KCNMA1: variants seen among roughly 807,000 people sequenced by gnomAD.
The protein encoded by KCNMA1 is potassium calcium-activated channel subfamily M alpha 1, also known as Calcium-activated potassium channel subunit alpha-1.
In KCNMA1, 29 loss-of-function variants were observed where a neutral mutation model predicts 140.0. The observed-to-expected ratio is 0.21, with a 90% CI of 0.15 to 0.28. KCNMA1 has a LOEUF of 0.28. KCNMA1 is among the 10% of genes least tolerant of loss of function. KCNMA1 has a pLI of 1.00. For synonymous variants in KCNMA1, 612 were observed against 611.9 expected (o/e 1.00, Z 0.00); for missense variants, 880 against 1,602.2 (o/e 0.55, Z 7.70).
At chr10:77,147,710 T>C (rs1412389588) in intron 5 of KCNMA1, 2 of 152,194 alleles carry the variant, frequency 1.3e-5, no homozygotes, top group Non-Finnish European at 2.9e-5. Flanking sequence ...CCACTTCCCA[T>C]GGTGAGCCCC....
At chr10:77,616,019 G>A (rs146437036) in intron 1 of KCNMA1, among the ~76,000 whole-genome samples, 1 of 152,332 alleles carries the variant, frequency 6.6e-6, no homozygotes, top group African/African-American at 2.4e-5. Context: ...AAGAAAGTGA[G>A]CTTTGCAAGG....
intron 1 of KCNMA1, among the ~76,000 whole-genome samples, chr10:77,513,031 T>C (rs2048975262): frequency 6.6e-6 from 1 of 152,084 alleles, no homozygotes; most frequent in African/African-American, 2.4e-5. Flanking sequence ...TCCTCCAATA[T>C]GTCACCTAAT....
At chr10:77,124,426 A>C (rs1037724293) in intron 5 of KCNMA1, among the ~76,000 whole-genome samples, 6 of 152,202 alleles carry the variant, frequency 3.9e-5, no homozygotes, top group Admixed American at 3.9e-4. Context: ...GCTAGACACA[A>C]ACTGCAGATC....
chr10:77,451,504 G>C (rs603788), intron 1 of KCNMA1, among the ~76,000 whole-genome samples: 70,141 of 152,012 alleles, frequency 0.46, 16,685 homozygotes, highest in Admixed American at 0.52. Flanking sequence ...TAGAAAGTGA[G>C]CAGAGCCCGA....
chr10:76,997,903 C>T (rs569508293), intron 19 of KCNMA1, among the ~76,000 whole-genome samples: 28 of 152,294 alleles, frequency 1.8e-4, no homozygotes, highest in African/African-American at 5.3e-4. Context: ...TCTAGCCTAC[C>T]ATATTGAACA....
At chr10:77,009,240 C>T (rs1286068992) in intron 18 of KCNMA1, among the ~76,000 whole-genome samples, 1 of 152,074 alleles carries the variant, frequency 6.6e-6, no homozygotes, top group East Asian at 1.9e-4. Flanking sequence ...AGATTATATA[C>T]CTCACTAGCT....
intron 21 of KCNMA1, among the ~76,000 whole-genome samples, chr10:76,953,276 A>C (rs962441503): frequency 7.9e-5 from 12 of 152,234 alleles, no homozygotes; most frequent in African/African-American, 2.7e-4. Flanking sequence ...ACATTGCTAT[A>C]AACCAATAAC....
chr10:76,899,577 A>C (rs2044157706), intron 25 of KCNMA1, among the ~76,000 whole-genome samples: 1 of 152,132 alleles, frequency 6.6e-6, no homozygotes, highest in Non-Finnish European at 1.5e-5. Context: ...TGGTGCTAAC[A>C]AACTCAGAGT....
At chr10:77,443,708 C>G (rs1362085126) in intron 1 of KCNMA1, among the ~76,000 whole-genome samples, 2 of 152,142 alleles carry the variant, frequency 1.3e-5, no homozygotes, top group Non-Finnish European at 2.9e-5. Flanking sequence ...CATCTGAGCT[C>G]CACCTCTAAA....
chr10:77,215,303 G>T (rs530231306), intron 3 of KCNMA1, among the ~76,000 whole-genome samples: 2 of 150,526 alleles, frequency 1.3e-5, no homozygotes, highest in Non-Finnish European at 3.0e-5. Flanking sequence ...ACTAGATCAG[G>T]CCAGTGCCCT....
intron 1 of KCNMA1, among the ~76,000 whole-genome samples, chr10:77,503,330 GAGTT>G (rs1473409051): frequency 1.3e-5 from 2 of 152,036 alleles, no homozygotes; most frequent in East Asian, 3.9e-4. Context: ...AAAGCTCTGA[GAGTT>G]AGTTGAATCC....
intron 23 of KCNMA1, among the ~76,000 whole-genome samples, chr10:76,935,535 G>A (rs1344207981): frequency 1.3e-5 from 2 of 152,150 alleles, no homozygotes; most frequent in African/African-American, 4.8e-5. Flanking sequence ...TAAAATGAAG[G>A]TGGTAACTCT....
chr10:77,031,871 T>C (rs2093960528), intron 15 of KCNMA1, among the ~76,000 whole-genome samples: 1 of 152,162 alleles, frequency 6.6e-6, no homozygotes, highest in South Asian at 2.1e-4. Flanking sequence ...TCTGGATAAA[T>C]AAATGCATGT....
chr10:77,538,065 ACACT>A (rs796858742), intron 1 of KCNMA1, among the ~76,000 whole-genome samples: 12 of 151,604 alleles, frequency 7.9e-5, no homozygotes, highest in East Asian at 5.8e-4. Flanking sequence ...CTCTACACAC[ACACT>A]CACACACATC....
At chr10:77,616,546 C>T (rs991146735) in intron 1 of KCNMA1, among the ~76,000 whole-genome samples, 1 of 152,194 alleles carries the variant, frequency 6.6e-6, no homozygotes, top group Non-Finnish European at 1.5e-5. Flanking sequence ...TGGCACATGC[C>T]TGTAATCCCA....
intron 13 of KCNMA1, among the ~76,000 whole-genome samples, chr10:77,075,503 G>A (rs1443500688): frequency 6.6e-6 from 1 of 152,210 alleles, no homozygotes; most frequent in African/African-American, 2.4e-5. Context: ...AAACCTTTCA[G>A]AGAAAGTCTC....
chr10:77,250,773 G>A (rs2059519838), intron 3 of KCNMA1: 1 of 226,952 alleles, frequency 4.4e-6, no homozygotes. Context: ...TAAGATCAAA[G>A]CATTGGAAAC....
At chr10:77,413,756 G>C (rs138397309) in intron 1 of KCNMA1, among the ~76,000 whole-genome samples, 192 of 152,308 alleles carry the variant, frequency 1.3e-3, no homozygotes, top group African/African-American at 4.1e-3. Context: ...TGCACCAGCA[G>C]GGCTTAAGAC....
rs375403667 is a variant in KCNMA1, at chr10:77,637,530, G to T, written c.113C>A (p.Ala38Glu). ...NIHANHLSLD[A>E]SSSSSSSSSS... is the part of the protein sequence containing the mutation. ...AGAGGAGGAGGAGGAGGAGGAGGAC[G>T]CGTCTAGGCTGAGATGGTTCGCGTG... Residue 38 changes from alanine (A) to glutamate (E), a missense_variant, in exon 1 of 28, where the codon GCG becomes GAG. Coordinates refer to ENST00000286628, the MANE Select transcript of KCNMA1 (RefSeq NM_001161352.2). 1 of 1,550,950 alleles carries T rather than the reference G, an allele frequency of 6.4e-7. No individual in the cohort carries two copies. Among genetic ancestry groups the T allele is most frequent in the Non-Finnish European group, 8.8e-7 (1 of 1,141,426 alleles).
Sources: allele counts gnomAD v4.1 joint callset (sites outside exome capture counted in the v4.1 genomes callset), GRCh38; gene constraint gnomAD v4.1.1; transcripts MANE v1.5; gene names NCBI Gene and HGNC (gene_info 2026-07-23, HGNC 2026-07-21).